GRIA4: variants seen among roughly 807,000 people sequenced by gnomAD.
The protein encoded by GRIA4 is glutamate receptor 4.
In GRIA4, 34 loss-of-function variants were observed where a neutral mutation model predicts 104.0. The ratio of observed to expected loss-of-function variants is 0.33; its 90% confidence interval spans 0.25 to 0.44. The LOEUF is 0.44. Among genes scored for constraint, GRIA4 ranks in the 20% least tolerant of loss-of-function variants. GRIA4 has a pLI of 1.00. For missense variants in GRIA4, 750 were observed against 1,096.5 expected, an observed-to-expected ratio of 0.68 and a Z score of 4.46; for synonymous variants, 386 against 381.9, an observed-to-expected ratio of 1.01 and a Z score of -0.13.
chr11:105,614,567 T>C (rs1950554223), intron 3 of GRIA4: 1 of 152,018 alleles, frequency 6.6e-6, no homozygotes, highest in Admixed American at 6.6e-5. Flanking sequence ...TTTAAGTCTG[T>C]TTATTTAGAA....
chr11:105,730,652 A>C (rs1358909407), intron 3 of GRIA4, among the ~76,000 whole-genome samples: 1 of 152,194 alleles, frequency 6.6e-6, no homozygotes, highest in Non-Finnish European at 1.5e-5. Context: ...AGTAACCAAA[A>C]CAGCATGGTA....
intron 5 of GRIA4, among the ~76,000 whole-genome samples, chr11:105,867,185 C>G (rs1945451833): frequency 6.6e-6 from 1 of 152,126 alleles, no homozygotes; most frequent in Non-Finnish European, 1.5e-5. Flanking sequence ...CACGGCTGAC[C>G]TCTCAGAGGC....
At chr11:105,627,426 G>A (rs1254077638) in intron 3 of GRIA4, among the ~76,000 whole-genome samples, 1 of 152,080 alleles carries the variant, frequency 6.6e-6, no homozygotes, top group Non-Finnish European at 1.5e-5. Context: ...ACAGAAGACA[G>A]CAAGAATTAT....
chr11:105,848,949 T>C (rs998596191), intron 4 of GRIA4, among the ~76,000 whole-genome samples: 2 of 152,248 alleles, frequency 1.3e-5, no homozygotes, highest in Middle Eastern at 3.4e-3. Flanking sequence ...CCTGACTTCC[T>C]TGGGAGGCCA....
rs1482859233 is a variant in GRIA4 at position 105,740,801 on chromosome 11, G to A, written c.248-12180G>A. Among the ~76,000 whole-genome samples, 3 of 151,992 alleles carry A rather than the reference G, an allele frequency of 2.0e-5. No homozygotes were observed. In the South Asian group the frequency reaches 6.2e-4, roughly 32 times the overall value. ...CAAAGGCCCTGAAGTGAGGGGAGAA[G>A]ATAAGTTTAAATAGAAGAAAAAGGG... On this transcript the variant is annotated intron_variant, in intron 3 of 16. Transcript: ENST00000282499.
intron 3 of GRIA4, among the ~76,000 whole-genome samples, chr11:105,727,638 C>T (rs1006816466): frequency 9.2e-5 from 14 of 152,066 alleles, no homozygotes; most frequent in African/African-American, 1.7e-4. Context: ...TAAAGCAGGT[C>T]GCCCACAAAG....
intron 4 of GRIA4, among the ~76,000 whole-genome samples, chr11:105,810,946 A>AT (rs1283405889): frequency 1.3e-5 from 2 of 151,922 alleles, no homozygotes; most frequent in Admixed American, 1.3e-4. Flanking sequence ...ATTACTGCTT[A>AT]TTTTTTTATG....
chr11:105,637,328 TTATAA>T (rs1360749000), intron 3 of GRIA4, among the ~76,000 whole-genome samples: 1 of 152,214 alleles, frequency 6.6e-6, no homozygotes, highest in African/African-American at 2.4e-5. Flanking sequence ...TACAATTTTA[TTATAA>T]TATAATTGCT....
At chr11:105,966,934 C>A (rs1482510459) in intron 14 of GRIA4, among the ~76,000 whole-genome samples, 1 of 152,112 alleles carries the variant, frequency 6.6e-6, no homozygotes, top group Non-Finnish European at 1.5e-5. Flanking sequence ...AAACTTTTGT[C>A]TCCATTCTAG....
chr11:105,654,239 C>T (rs1416108702), intron 3 of GRIA4, among the ~76,000 whole-genome samples: 2 of 151,114 alleles, frequency 1.3e-5, no homozygotes, highest in African/African-American at 2.4e-5. Flanking sequence ...TTAAAGGCTA[C>T]AGGATTTCAG....
At chr11:105,632,607 A>AGC (rs1951063281) in intron 3 of GRIA4, among the ~76,000 whole-genome samples, 1 of 152,192 alleles carries the variant, frequency 6.6e-6, no homozygotes, top group African/African-American at 2.4e-5. Flanking sequence ...TTTTACTAGA[A>AGC]ATATCTAAAG....
At position 105,705,608 on chromosome 11, in the gene GRIA4, C is replaced by CGA. The variant is rs149688597; in HGVS notation, c.248-47355_248-47354dup. ...AAAACAAGAGAAAGACCTGAACTGA[C>CGA]GAGAGAGAGAGAGAGAGAGCTTACT... On this transcript the variant is annotated intron_variant, in intron 3 of 16. Coordinates refer to ENST00000282499, the MANE Select transcript of GRIA4 (RefSeq NM_000829.4). 3.4e-3 allele frequency among the ~76,000 whole-genome samples: 509 copies of CGA among 148,952 alleles called. 3 individuals carry two copies. The highest frequency in any genetic ancestry group is 0.01 in the African/African-American group (418 of 40,772).
intron 3 of GRIA4, among the ~76,000 whole-genome samples, chr11:105,702,547 T>G (rs1953535377): frequency 6.6e-6 from 1 of 151,678 alleles, no homozygotes; most frequent in South Asian, 2.1e-4. Flanking sequence ...ATTTATATAA[T>G]AAAAAGATAA....
chr11:105,974,070 T>C (rs1296105811), intron 15 of GRIA4, among the ~76,000 whole-genome samples: 1 of 152,180 alleles, frequency 6.6e-6, no homozygotes. Context: ...TGATAAAATG[T>C]TACTGATTTC....
At chr11:105,613,409 G>A (rs1477953917) in intron 3 of GRIA4, 2 of 152,086 alleles carry the variant, frequency 1.3e-5, no homozygotes, top group Non-Finnish European at 2.9e-5. Flanking sequence ...TTCAGATAAT[G>A]ACTATAGATT....
chr11:105,677,152 C>A lies in GRIA4; in HGVS notation c.247+64718C>A, dbSNP rs549150294. On this transcript the variant is annotated intron_variant, in intron 3 of 16. Transcript: ENST00000282499. ...TCAAAAGAGTGACAACCAAGTGATC[C>A]ATTTTTTAAAATTTTTATTTATCTT... Among the ~76,000 whole-genome samples the A allele has an allele frequency of 2.0e-5, 3 of 151,744 alleles. No homozygotes were observed. The South Asian group carries it at 6.2e-4, about 32-fold the overall frequency.
Position 105,821,984 on chromosome 11 carries a change from G to A in GRIA4, c.488-40040G>A, listed in dbSNP as rs986238020. Among the ~76,000 whole-genome samples the A allele has an allele frequency of 1.4e-4, 21 of 152,060 alleles. 1 individual carries two copies. The highest frequency in any genetic ancestry group is 3.6e-4 in the African/African-American group (15 of 41,420). ...AGACTCTGCTGCGCTCGCCACGCAG[G>A]TTCCCAGAACCGGGAAAATCCTTTT... On this transcript the variant is annotated intron_variant, in intron 4 of 16. Transcript: ENST00000282499.
At chr11:105,918,962 A>C in intron 11 of GRIA4, 44 bp downstream of exon 11, 1 of 1,153,228 alleles carries the variant, frequency 8.7e-7, no homozygotes. Context: ...CATACACCTG[A>C]AACTTCTTTT....
chr11:105,894,199 TTCC>T (rs1946557933), intron 6 of GRIA4, among the ~76,000 whole-genome samples: 1 of 152,158 alleles, frequency 6.6e-6, no homozygotes, highest in Admixed American at 6.6e-5. Flanking sequence ...TACACTGCCT[TTCC>T]TATAGATATT....
Sources: gnomAD v4.1 joint callset for allele counts (sites outside exome capture counted in the v4.1 genomes callset) on GRCh38, gnomAD v4.1.1 for gene constraint, MANE v1.5 for transcripts, NCBI Gene and HGNC (gene_info 2026-07-23, HGNC 2026-07-21) for gene names.